Variants in SPAG16 observed in about 807,000 individuals in gnomAD.
SPAG16 encodes the protein sperm associated antigen 16.
Under a neutral mutation model 80.4 loss-of-function variants are expected in SPAG16, and 86 were observed. The ratio of observed to expected loss-of-function variants is 1.07; its 90% CI spans 0.90 to 1.28. The LOEUF (loss-of-function observed/expected upper bound fraction) is 1.28. Among genes scored for constraint, SPAG16 ranks in the 50% most tolerant of loss-of-function variants. SPAG16 has a pLI of 0.00. For synonymous variants in SPAG16, 294 were observed against 265.9 expected (o/e 1.11, Z -1.03); for missense variants, 870 against 765.3 (o/e 1.14, Z -1.61).
chr2:213,294,371 C>T (rs1251345717), intron 1 of SPAG16, among the ~76,000 whole-genome samples: 1 of 152,088 alleles, frequency 6.6e-6, no homozygotes, highest in African/African-American at 2.4e-5. Flanking sequence ...TTTAAAGAGG[C>T]TGATGGCAAG....
intron 15 of SPAG16, among the ~76,000 whole-genome samples, chr2:214,306,436 G>T (rs1338016972): frequency 6.6e-6 from 1 of 152,186 alleles, no homozygotes; most frequent in Non-Finnish European, 1.5e-5. Context: ...GTGAGAGAGG[G>T]CATCCTTATA....
chr2:213,914,343 A>T (rs999965321), intron 11 of SPAG16, among the ~76,000 whole-genome samples: 6 of 152,156 alleles, frequency 3.9e-5, no homozygotes, highest in Non-Finnish European at 7.4e-5. Flanking sequence ...CTTCTGTAAA[A>T]ATCTTTGTGG....
chr2:213,928,069 A>T (rs1221367181), intron 11 of SPAG16, among the ~76,000 whole-genome samples: 3 of 152,050 alleles, frequency 2.0e-5, no homozygotes, highest in African/African-American at 7.2e-5. Flanking sequence ...AATTTGAAAA[A>T]TCAATTGGAT....
intron 10 of SPAG16, among the ~76,000 whole-genome samples, chr2:213,578,142 C>A (rs1010406606): frequency 1.3e-5 from 2 of 151,912 alleles, no homozygotes; most frequent in African/African-American, 4.8e-5. Context: ...GACAAGTACC[C>A]GAAACATGAC....
intron 9 of SPAG16, among the ~76,000 whole-genome samples, chr2:213,452,685 G>A (rs2071772106): frequency 6.6e-6 from 1 of 152,302 alleles, no homozygotes; most frequent in Non-Finnish European, 1.5e-5. Context: ...ACAGGGACTG[G>A]GATGTTCTGG....
At chr2:213,948,295 G>A (rs112810755) in intron 12 of SPAG16, among the ~76,000 whole-genome samples, 7 of 152,120 alleles carry the variant, frequency 4.6e-5, no homozygotes, top group African/African-American at 1.4e-4. Context: ...AAACAGACAC[G>A]CAAATGCATT....
chr2:214,125,363 A>G (rs1015932370), intron 14 of SPAG16, among the ~76,000 whole-genome samples: 7 of 151,802 alleles, frequency 4.6e-5, no homozygotes, highest in Non-Finnish European at 7.4e-5. Context: ...AAGTCATTAC[A>G]TTATGAATTG....
At chr2:214,309,611 G>A (rs942898975) in intron 15 of SPAG16, among the ~76,000 whole-genome samples, 1 of 151,924 alleles carries the variant, frequency 6.6e-6, no homozygotes, top group Non-Finnish European at 1.5e-5. Context: ...GTTTGATTGT[G>A]TTATAAGGTG....
chr2:214,229,143 C>T (rs538690386), intron 15 of SPAG16, among the ~76,000 whole-genome samples: 14 of 150,374 alleles, frequency 9.3e-5, no homozygotes, highest in African/African-American at 2.9e-4. Context: ...TGCCATCTAC[C>T]ACGAGAAGCA....
chr2:213,457,643 AT>A (rs1187898357), intron 9 of SPAG16, among the ~76,000 whole-genome samples: 3 of 152,182 alleles, frequency 2.0e-5, no homozygotes, highest in Non-Finnish European at 4.4e-5. Flanking sequence ...GACCAGATTT[AT>A]TTTTGGTGTC....
intron 14 of SPAG16, among the ~76,000 whole-genome samples, chr2:214,144,051 G>T (rs1169629584): frequency 6.6e-6 from 1 of 152,074 alleles, no homozygotes; most frequent in Non-Finnish European, 1.5e-5. Flanking sequence ...TCAACTACTT[G>T]GGAGGCTGAC....
chr2:213,630,625 A>G (rs2062115240), intron 10 of SPAG16, among the ~76,000 whole-genome samples: 1 of 152,234 alleles, frequency 6.6e-6, no homozygotes, highest in South Asian at 2.1e-4. Flanking sequence ...TGGCTGATTA[A>G]TGAATGAGAA....
At chr2:213,603,316 G>C (rs1179177987) in intron 10 of SPAG16, among the ~76,000 whole-genome samples, 1 of 152,162 alleles carries the variant, frequency 6.6e-6, no homozygotes, top group Non-Finnish European at 1.5e-5. Flanking sequence ...AAATTTGAAA[G>C]GAAATTTTAA....
At chr2:213,351,480 GTAGGCT>G (rs2065322737) in intron 7 of SPAG16, among the ~76,000 whole-genome samples, 1 of 152,140 alleles carries the variant, frequency 6.6e-6, no homozygotes, top group Admixed American at 6.5e-5. Context: ...GGGTTTTTGT[GTAGGCT>G]TAGGCCTAGG....
At chr2:213,730,648 A>C (rs1214651891) in intron 10 of SPAG16, among the ~76,000 whole-genome samples, 2 of 152,118 alleles carry the variant, frequency 1.3e-5, no homozygotes, top group Non-Finnish European at 1.5e-5. Flanking sequence ...CTAAAGTTTA[A>C]ATATGATGTA....
intron 13 of SPAG16, among the ~76,000 whole-genome samples, chr2:214,047,912 CA>C (rs2049424241): frequency 1.3e-5 from 2 of 152,134 alleles, no homozygotes. Context: ...AGGAGACATA[CA>C]GATGGCAAAC....
chr2:213,499,673 G>T (rs928516634), intron 10 of SPAG16, among the ~76,000 whole-genome samples: 24 of 152,012 alleles, frequency 1.6e-4, no homozygotes, highest in African/African-American at 4.8e-4. Flanking sequence ...ACCATAACTG[G>T]CATTCTCTGT....
At chr2:214,287,928 C>T (rs2125924631) in intron 15 of SPAG16, among the ~76,000 whole-genome samples, 1 of 152,248 alleles carries the variant, frequency 6.6e-6, no homozygotes, top group African/African-American at 2.4e-5. Flanking sequence ...AGTAACACGT[C>T]AAGTCCTCTC....
At chr2:213,740,331 A>T (rs1025935757) in intron 10 of SPAG16, among the ~76,000 whole-genome samples, 3 of 152,214 alleles carry the variant, frequency 2.0e-5, no homozygotes, top group Non-Finnish European at 4.4e-5. Context: ...AGTTGAGTGA[A>T]GTTTCTGTAA....
Sources: allele counts gnomAD v4.1 joint callset (sites outside exome capture counted in the v4.1 genomes callset), GRCh38; gene constraint gnomAD v4.1.1; transcripts MANE v1.5; gene names NCBI Gene and HGNC (gene_info 2026-07-23, HGNC 2026-07-21).